COX7A2L: variants seen among roughly 807,000 people sequenced by gnomAD.
COX7A2L encodes the protein cytochrome c oxidase subunit 7A2-like, mitochondrial.
Under a neutral mutation model 14.2 loss-of-function variants are expected in COX7A2L, and 18 were observed. The observed-to-expected ratio is 1.27, with a 90% CI of 0.88 to 1.88. The LOEUF is 1.88. Among genes scored for constraint, COX7A2L ranks in the 40% most tolerant of loss-of-function variants. The pLI is 0.00. For missense variants in COX7A2L, 179 were observed against 138.8 expected (o/e 1.29, Z -1.46); for synonymous variants, 65 against 57.4 (o/e 1.13, Z -0.60).
downstream of COX7A2L, among the ~76,000 whole-genome samples, chr2:42,349,058 T>C (rs990359258): frequency 3.9e-5 from 6 of 152,178 alleles, no homozygotes; most frequent in Admixed American, 1.3e-4. Flanking sequence ...AGTCTGGCAG[T>C]TCCTCAAAAT....
In COX7A2L at chr2:42,339,579, C is replaced by T. The variant is rs1670359427; in HGVS notation, c.193-5710G>A. ...TTCTTTCTTCCCTTCTGCCCTTCCT[C>T]CCTCCCTTTATCCCTCCCTCCTGCC... On this transcript the variant is annotated intron_variant, in intron 2 of 2. Transcript: ENST00000468711. This position sits in a 1 kb window ranked among gnomAD's most constrained non-coding sequence, Gnocchi z 5.4. Among the ~76,000 whole-genome samples the T allele has an allele frequency of 1.3e-5, 2 of 152,164 alleles. No homozygotes were observed. Among genetic ancestry groups the T allele is most frequent in the South Asian group, 2.1e-4 (1 of 4,830 alleles).
chr2:42,357,075 TA>T (rs1158667542), intron 1 of COX7A2L, among the ~76,000 whole-genome samples: 1 of 152,242 alleles, frequency 6.6e-6, no homozygotes, highest in Non-Finnish European at 1.5e-5. Context: ...AAGTTCTTCC[TA>T]GTTTATTTCA....
At chr2:42,347,999 C>G (rs1670531870), downstream of COX7A2L, among the ~76,000 whole-genome samples, 1 of 152,144 alleles carries the variant, frequency 6.6e-6, no homozygotes, top group Non-Finnish European at 1.5e-5. Context: ...AAGGAAAACA[C>G]AAGGTCAGCA....
At chr2:42,357,975 C>G (rs1435737610) in intron 1 of COX7A2L, among the ~76,000 whole-genome samples, 1 of 152,210 alleles carries the variant, frequency 6.6e-6, no homozygotes, top group African/African-American at 2.4e-5. Flanking sequence ...TCACAGTTCC[C>G]TTTACCTAGA....
intron 2 of COX7A2L, among the ~76,000 whole-genome samples, chr2:42,344,225 G>A (rs550023238): frequency 1.3e-5 from 2 of 152,164 alleles, no homozygotes; most frequent in Non-Finnish European, 2.9e-5. Context: ...TGTATCCAAC[G>A]GAATGTAACC....
upstream of COX7A2L, among the ~76,000 whole-genome samples, chr2:42,363,019 T>G (rs1671093279): frequency 1.3e-5 from 2 of 151,834 alleles, no homozygotes. Flanking sequence ...GAACCACAGA[T>G]GCGCGCCACC....
At position 42,342,172 on chromosome 2, in the gene COX7A2L, T is replaced by C. The variant is rs934656383; in HGVS notation, c.193-8303A>G. Among the ~76,000 whole-genome samples, 3 of 152,096 alleles carry C rather than the reference T, an allele frequency of 2.0e-5. No homozygotes were observed. Among genetic ancestry groups the C allele is most frequent in the African/African-American group, 7.2e-5 (3 of 41,414 alleles). On this transcript the variant is annotated intron_variant, in intron 2 of 2. Transcript: ENST00000468711. This position sits in a 1 kb window ranked among gnomAD's most constrained non-coding sequence, Gnocchi z 4.9. The stretch of plus-strand genomic sequence containing the variant: ...CTGAGCAACCACGCTGCCTCCATGC[T>C]TGAGCTCAGGGCTCCACACTCACAA...
chr2:42,337,415 C>A (rs1670304211), intron 2 of COX7A2L, among the ~76,000 whole-genome samples: 1 of 152,124 alleles, frequency 6.6e-6, no homozygotes, highest in South Asian at 2.1e-4. Flanking sequence ...AATGACAAAA[C>A]TACAGAGACA....
downstream of COX7A2L, among the ~76,000 whole-genome samples, chr2:42,344,489 C>T (rs1670457817): frequency 1.3e-5 from 2 of 152,168 alleles, no homozygotes; most frequent in Non-Finnish European, 2.9e-5. Context: ...TACTTTTGTT[C>T]TAGATTGAAT....
chr2:42,338,567 A>AGAT lies in COX7A2L; in HGVS notation c.193-4701_193-4699dup, dbSNP rs1670333923. On this transcript the variant is annotated intron_variant, in intron 2 of 2. Coordinates refer to the COX7A2L transcript ENST00000468711. This position sits in a 1 kb window ranked among gnomAD's most constrained non-coding sequence, Gnocchi z 4.4. ...CCAGGCTTGGACATTTCCATGGAGAAGATGATTAATTATGAACCAAGAATC... is the reference window on the plus strand; with the variant it reads ...CCAGGCTTGGACATTTCCATGGAGAAGATGATGATTAATTATGAACCAAGAATC... Among the ~76,000 whole-genome samples the AGAT allele has an allele frequency of 2.0e-5, 3 of 152,174 alleles. No homozygotes were observed. Among genetic ancestry groups the AGAT allele is most frequent in the Admixed American group, 1.3e-4 (2 of 15,276 alleles).
rs755540695 is a variant in COX7A2L at position 42,353,201 on chromosome 2, T to C, written c.204+11A>G. The stretch of plus-strand genomic sequence containing the variant: ...TCACAGGCTTTTCTGTTGTAGAGTA[T>C]CTTCCCTCACCTGGAAAAACTTTTG... On this transcript the variant is annotated intron_variant, in intron 2 of 2. Coordinates refer to ENST00000234301, the MANE Select transcript of COX7A2L (RefSeq NM_004718.4). 9 of 1,613,272 alleles carry C rather than the reference T, an allele frequency of 5.6e-6. No homozygotes were observed. The African/African-American group carries it at 8.0e-5, about 14-fold the overall frequency.
Position 42,350,965 on chromosome 2 carries a change from G to C in COX7A2L, c.*254C>G. On this transcript the variant is annotated 3_prime_UTR_variant, in exon 3 of 3. Coordinates refer to ENST00000234301, the MANE Select transcript of COX7A2L (RefSeq NM_004718.4). ...CAAGCCTGTGTTCAGCCTTCATCCA[G>C]AACCTCCAGGGAAATCAGGAGCACA... 1 of 337,380 alleles carries C rather than the reference G, an allele frequency of 3.0e-6. No individual in the cohort carries two copies. The highest frequency in any genetic ancestry group is 5.4e-6 in the Non-Finnish European group (1 of 185,742). The allele number at this position is 337,380 out of a possible 1,614,324, so 20.9% of individuals were successfully genotyped here. A position where few individuals can be genotyped will look rare whatever the true frequency, so the allele number is the denominator to read the frequency against.
At chr2:42,345,086 T>C (rs1171031943), downstream of COX7A2L, among the ~76,000 whole-genome samples, 1 of 152,116 alleles carries the variant, frequency 6.6e-6, no homozygotes, top group Non-Finnish European at 1.5e-5. Context: ...TGATCTATTA[T>C]CAAAATTATT....
intron 2 of COX7A2L, among the ~76,000 whole-genome samples, chr2:42,344,053 C>T (rs866237881): frequency 3.3e-5 from 5 of 152,178 alleles, no homozygotes; most frequent in Middle Eastern, 6.8e-3. Context: ...TGTAAAGTAG[C>T]CATTTTCAAC....
At chr2:42,358,483 T>C (rs960822297) in intron 1 of COX7A2L, among the ~76,000 whole-genome samples, 2 of 152,252 alleles carry the variant, frequency 1.3e-5, no homozygotes, top group African/African-American at 2.4e-5. Flanking sequence ...CTTCATCGTA[T>C]GTTTCCAGGA....
chr2:42,353,511 G>T (rs1297235057), intron 1 of COX7A2L, among the ~76,000 whole-genome samples, 168 bp from the exon 2 acceptor site: 1 of 152,176 alleles, frequency 6.6e-6, no homozygotes, highest in African/African-American at 2.4e-5. Context: ...GGGCGTGTGA[G>T]GGTCAGGGGG....
upstream of COX7A2L, among the ~76,000 whole-genome samples, chr2:42,363,774 T>TC (rs1171360574): frequency 6.6e-6 from 1 of 152,180 alleles, no homozygotes; most frequent in Non-Finnish European, 1.5e-5. Context: ...TTCAGGTTGT[T>TC]CCCCACATTC....
downstream of COX7A2L, among the ~76,000 whole-genome samples, chr2:42,346,030 T>G (rs760763498): frequency 3.3e-5 from 5 of 152,174 alleles, no homozygotes; most frequent in Admixed American, 6.5e-5. Flanking sequence ...CGAAAGATTC[T>G]GCACCGTCAA....
rs974757204 is a variant in COX7A2L at position 42,339,960 on chromosome 2, C to G, written c.193-6091G>C. 6.6e-6 allele frequency among the ~76,000 whole-genome samples: 1 copy of G among 152,144 alleles called. No homozygotes were observed. Among genetic ancestry groups the G allele is most frequent in the African/African-American group, 2.4e-5 (1 of 41,416 alleles). On this transcript the variant is annotated intron_variant, in intron 2 of 2. Transcript: ENST00000468711. This position sits in a 1 kb window ranked among gnomAD's most constrained non-coding sequence, Gnocchi z 5.4. ...ACCTTGTTCAGTCTTGGTTATCCCC[C>G]ATTCTATTTCCTCACTCCCACACGA...
Sources: gnomAD v4.1 joint callset for allele counts (sites outside exome capture counted in the v4.1 genomes callset) on GRCh38, gnomAD v4.1.1 for gene constraint, Gnocchi (gnomAD v3.1) non-coding constraint, MANE v1.5 for transcripts, NCBI Gene and HGNC (gene_info 2026-07-23, HGNC 2026-07-21) for gene names.